The following ASPRV1 variants were observed in gnomAD, a reference collection of about 807,000 sequenced individuals.
The protein encoded by ASPRV1 is retroviral-like aspartic protease 1.
ASPRV1 carries 7 observed loss-of-function variants against 11.0 expected under a neutral mutation model. That is an observed-to-expected ratio of 0.64 (90% CI 0.36 to 1.20). ASPRV1 has a LOEUF of 1.20. ASPRV1 is among the 50% of genes most tolerant of loss of function. The probability of loss-of-function intolerance (pLI) is 0.02; values close to 1 mark genes in which losing one functional copy is unlikely to be tolerated. For missense variants in ASPRV1, 299 were observed against 320.0 expected (o/e 0.93, Z 0.50); for synonymous variants, 136 against 138.4 (o/e 0.98, Z 0.12).
the ASPRV1 span, among the ~76,000 whole-genome samples, chr2:70,036,553 G>C: frequency 6.6e-6 from 1 of 152,054 alleles, no homozygotes; most frequent in Admixed American, 6.6e-5. Flanking sequence ...TAATGCCAAG[G>C]TGTTTGTCTA....
the ASPRV1 span, among the ~76,000 whole-genome samples, chr2:70,083,998 C>T: frequency 2.0e-3 from 303 of 152,172 alleles, 4 homozygotes; most frequent in Admixed American, 0.019. Context: ...GACATGTTAC[C>T]AACCCCAAGA....
the ASPRV1 span, among the ~76,000 whole-genome samples, chr2:70,021,450 C>CT: frequency 6.6e-6 from 1 of 151,592 alleles, no homozygotes; most frequent in Non-Finnish European, 1.5e-5. Context: ...TTCCCAGCAG[C>CT]TAGGACTACA....
chr2:70,028,199 G>A, the ASPRV1 span, among the ~76,000 whole-genome samples: 1 of 152,158 alleles, frequency 6.6e-6, no homozygotes, highest in Admixed American at 6.5e-5. Flanking sequence ...TGAGCTGTTG[G>A]CACTCTTTTC....
At chr2:70,055,766 A>T in the ASPRV1 span, 1 of 152,178 alleles carries the variant, frequency 6.6e-6, no homozygotes, top group Non-Finnish European at 1.5e-5. Context: ...TTTAGAATAA[A>T]GAAAAAAAAA....
In ASPRV1 at chr2:69,960,559, A is replaced by C. The variant is rs1678049299; in HGVS notation, c.*98T>G. On this transcript the variant is annotated 3_prime_UTR_variant, in exon 1 of 1. Transcript: ENST00000320256. ...GAGAAGAGCAAGAGTTGATAAGCAG[A>C]CTGGCCAAGCCCAGTGACCCCCATG... 7.7e-7 allele frequency: 1 copy of C among 1,296,504 alleles called. No individual in the cohort carries two copies. Among genetic ancestry groups the C allele is most frequent in the Non-Finnish European group, 1.1e-6 (1 of 943,928 alleles). The allele number at this position is 1,296,504 out of a possible 1,614,324, so 80.3% of individuals were successfully genotyped here.
the ASPRV1 span, among the ~76,000 whole-genome samples, chr2:70,065,470 A>G: frequency 1.3e-5 from 2 of 151,938 alleles, no homozygotes; most frequent in East Asian, 3.8e-4. Flanking sequence ...ATGTAAATAA[A>G]CCAGAAAATT....
Position 69,961,287 on chromosome 2 carries a change from C to A in ASPRV1, c.150G>T (p.Lys50Asn), listed in dbSNP as rs1377366312. The change falls in exon 1 of 1, where the codon AAG (lysine) becomes AAT (asparagine). Residue 50 changes from lysine to asparagine, a missense_variant. Coordinates refer to ENST00000320256, the MANE Select transcript of ASPRV1 (RefSeq NM_152792.4). ...TGAGGGACTCTTTCAGGAACCTTAG[C>A]TTGGTGATATGGTCCCAATGGTTGA... ...NDLNHWDHIT[K>N]LRFLKESLRG... The A allele has an allele frequency of 1.2e-6, 2 of 1,614,154 alleles. No individual in the cohort carries two copies. The highest frequency in any genetic ancestry group is 3.3e-5 in the Admixed American group (2 of 60,016).
chr2:70,024,867 A>C, the ASPRV1 span, among the ~76,000 whole-genome samples: 8 of 152,110 alleles, frequency 5.3e-5, no homozygotes, highest in African/African-American at 1.9e-4. Flanking sequence ...CTCATTCCTA[A>C]GTCTGATCTC....
At chr2:70,034,746 T>C in the ASPRV1 span, 2 of 152,170 alleles carry the variant, frequency 1.3e-5, no homozygotes, top group African/African-American at 2.4e-5. Flanking sequence ...GATGTGGCGG[T>C]TGCTGTCAGG....
At chr2:69,953,624 C>T in the ASPRV1 span, among the ~76,000 whole-genome samples, 1 of 152,214 alleles carries the variant, frequency 6.6e-6, no homozygotes, top group African/African-American at 2.4e-5. Context: ...GTAAAAAGAG[C>T]TCACCAAAGT....
chr2:69,979,114 A>C, the ASPRV1 span, among the ~76,000 whole-genome samples: 1 of 148,414 alleles, frequency 6.7e-6, no homozygotes, highest in South Asian at 2.1e-4. Context: ...GGCTCACCGC[A>C]AGCTCCACCT....
At chr2:69,968,852 G>C in the ASPRV1 span, among the ~76,000 whole-genome samples, 1 of 152,122 alleles carries the variant, frequency 6.6e-6, no homozygotes. Context: ...CTGCTGAACG[G>C]ACTCTCCCCT....
At chr2:70,080,156 C>T in the ASPRV1 span, among the ~76,000 whole-genome samples, 1 of 152,126 alleles carries the variant, frequency 6.6e-6, no homozygotes, top group Non-Finnish European at 1.5e-5. Flanking sequence ...ATACATACCC[C>T]TCCTCAAAAA....
the ASPRV1 span, among the ~76,000 whole-genome samples, chr2:70,064,809 A>G: frequency 6.6e-6 from 1 of 152,212 alleles, no homozygotes; most frequent in African/African-American, 2.4e-5. Flanking sequence ...AACAAACAAT[A>G]TCAGCCAGGC....
the ASPRV1 span, among the ~76,000 whole-genome samples, chr2:70,020,729 CAAA>C: frequency 6.6e-6 from 1 of 151,624 alleles, no homozygotes; most frequent in East Asian, 1.9e-4. Context: ...GCAAAAAAAA[CAAA>C]AAAGACATTG....
In ASPRV1 at chr2:69,961,002, A is replaced by G. The variant is rs990541288; in HGVS notation, c.435T>C (p.Thr145=). The G allele has an allele frequency of 3.7e-6, 6 of 1,613,974 alleles. No homozygotes were observed. Among genetic ancestry groups the G allele is most frequent in the East Asian group, 4.5e-5 (2 of 44,892 alleles). Residue 145 remains threonine, a synonymous_variant, in exon 1 of 1, where the codon ACT becomes ACC. Transcript: ENST00000320256. ...GCTGCAGGGTGTCCAGATCGCCATC[A>G]GTGACCTCCTCCCACAAGTTTGGGT... The part of the protein sequence containing the change: ...VVHPNLWEEV[T]DGDLDTLQPF...
chr2:69,973,551 T>C, the ASPRV1 span, among the ~76,000 whole-genome samples: 1 of 152,230 alleles, frequency 6.6e-6, no homozygotes, highest in East Asian at 1.9e-4. Context: ...TTTAGTTATA[T>C]TGCCCAGGCT....
chr2:70,068,308 C>G, the ASPRV1 span, among the ~76,000 whole-genome samples: 2 of 152,172 alleles, frequency 1.3e-5, no homozygotes, highest in African/African-American at 4.8e-5. Context: ...AGGAATGGGG[C>G]TGAAGTACAG....
At chr2:70,009,888 G>A in the ASPRV1 span, among the ~76,000 whole-genome samples, 3 of 152,218 alleles carry the variant, frequency 2.0e-5, no homozygotes, top group Admixed American at 6.5e-5. Flanking sequence ...AGATGTATCT[G>A]TAGGGCGAAG....
Sources: gnomAD v4.1 joint callset for allele counts (sites outside exome capture counted in the v4.1 genomes callset) on GRCh38, gnomAD v4.1.1 for gene constraint, MANE v1.5 for transcripts, NCBI Gene and HGNC (gene_info 2026-07-23, HGNC 2026-07-21) for gene names.